The following TSPAN18 variants were observed in gnomAD, a reference collection of about 807,000 sequenced individuals.
TSPAN18 encodes tetraspanin-18.
In TSPAN18, 14 loss-of-function variants were observed where a neutral mutation model predicts 27.3. The observed-to-expected ratio is 0.51, with a 90% CI of 0.34 to 0.80. The LOEUF (loss-of-function observed/expected upper bound fraction) is 0.80. Among genes scored for constraint, TSPAN18 ranks in the 30% least tolerant of loss-of-function variants. The pLI is 0.01. For missense variants in TSPAN18, 268 were observed against 323.9 expected (o/e 0.83, Z 1.32); for synonymous variants, 143 against 136.5 (o/e 1.05, Z -0.33).
At chr11:44,846,792 T>G (rs1288452375) in intron 2 of TSPAN18, among the ~76,000 whole-genome samples, 2 of 152,232 alleles carry the variant, frequency 1.3e-5, no homozygotes, top group Non-Finnish European at 2.9e-5. Flanking sequence ...CTCCACCTTC[T>G]ACTTTGCAGC....
At chr11:44,762,744 G>T (rs1320476593) in intron 1 of TSPAN18, among the ~76,000 whole-genome samples, 1 of 152,044 alleles carries the variant, frequency 6.6e-6, no homozygotes, top group African/African-American at 2.4e-5. Flanking sequence ...TGCCTGGATG[G>T]ACATTTGAGG....
intron 2 of TSPAN18, among the ~76,000 whole-genome samples, chr11:44,779,891 G>T (rs978014391): frequency 6.6e-6 from 1 of 151,650 alleles, no homozygotes; most frequent in African/African-American, 2.4e-5. Flanking sequence ...GTATACTTAT[G>T]CACTCATCTG....
intron 4 of TSPAN18, among the ~76,000 whole-genome samples, chr11:44,908,904 G>A (rs1319057103): frequency 6.6e-6 from 1 of 152,092 alleles, no homozygotes. Flanking sequence ...GCTGCCTTAG[G>A]ATGAAGGTGT....
At chr11:44,882,241 T>C (rs963949526) in intron 3 of TSPAN18, among the ~76,000 whole-genome samples, 5 of 152,136 alleles carry the variant, frequency 3.3e-5, no homozygotes, top group African/African-American at 7.2e-5. Flanking sequence ...GGAAACCCTG[T>C]CCCTGCCCCT....
chr11:44,823,931 G>A (rs776118981), intron 2 of TSPAN18, among the ~76,000 whole-genome samples: 1 of 152,118 alleles, frequency 6.6e-6, no homozygotes, highest in Admixed American at 6.5e-5. Context: ...CACTCATACC[G>A]GAAAACCAGG....
At chr11:44,764,687 C>T (rs1015580645) in intron 2 of TSPAN18, among the ~76,000 whole-genome samples, 175 bp downstream of exon 2, 1 of 152,184 alleles carries the variant, frequency 6.6e-6, no homozygotes, top group Non-Finnish European at 1.5e-5. Flanking sequence ...TGTCCTCACC[C>T]CTAGACATTT....
intron 2 of TSPAN18, among the ~76,000 whole-genome samples, chr11:44,813,971 C>T (rs1374831437): frequency 6.6e-6 from 1 of 152,186 alleles, no homozygotes; most frequent in Non-Finnish European, 1.5e-5. Context: ...GGAGATAGAT[C>T]CTTCAGGGAT....
chr11:44,878,734 C>T (rs907687057), intron 3 of TSPAN18, among the ~76,000 whole-genome samples: 1 of 152,126 alleles, frequency 6.6e-6, no homozygotes, highest in Non-Finnish European at 1.5e-5. Context: ...GAGTAAAATG[C>T]AAAATAATTG....
At position 44,858,322 on chromosome 11, in the gene TSPAN18, C is replaced by T. The variant is rs150982004; in HGVS notation, c.-152-2006C>T. Among the ~76,000 whole-genome samples the T allele has an allele frequency of 5.9e-5, 9 of 152,318 alleles. No homozygotes were observed. In the East Asian group the frequency reaches 7.7e-4, roughly 13 times the overall value. On this transcript the variant is annotated intron_variant, in intron 2 of 9. Coordinates refer to ENST00000520358, the MANE Select transcript of TSPAN18 (RefSeq NM_130783.5). Reference sequence around the variant, plus strand: ...ACACACCCATATCTGCCCCCTCCTCCGGGAAGCCTTCACATGCTCACGGGT... The same window carrying T: ...ACACACCCATATCTGCCCCCTCCTCTGGGAAGCCTTCACATGCTCACGGGT...
chr11:44,807,674 G>A (rs1222794732), intron 2 of TSPAN18, among the ~76,000 whole-genome samples: 1 of 152,120 alleles, frequency 6.6e-6, no homozygotes, highest in Non-Finnish European at 1.5e-5. Context: ...GGAATCACTG[G>A]TTGAGTGGAT....
intron 3 of TSPAN18, chr11:44,903,443 T>G: frequency 2.2e-6 from 1 of 456,496 alleles, no homozygotes; most frequent in Non-Finnish European, 4.4e-6. Context: ...GGAGGTCCTG[T>G]GGTCTGTAGG....
intron 3 of TSPAN18, among the ~76,000 whole-genome samples, chr11:44,862,297 A>G (rs1209107338): frequency 6.6e-6 from 1 of 152,176 alleles, no homozygotes; most frequent in Non-Finnish European, 1.5e-5. Context: ...ATTTGAGCAA[A>G]TATTCCTCTG....
At chr11:44,748,413 AAAAG>A (rs1855132990) in intron 1 of TSPAN18, among the ~76,000 whole-genome samples, 1 of 152,014 alleles carries the variant, frequency 6.6e-6, no homozygotes. Context: ...AAAAAAAAAA[AAAAG>A]AGACCATCAC....
chr11:44,800,838 G>T (rs1856464454), intron 2 of TSPAN18, among the ~76,000 whole-genome samples: 1 of 152,160 alleles, frequency 6.6e-6, no homozygotes, highest in South Asian at 2.1e-4. Context: ...TTCCACAGAG[G>T]CACAGTGTCT....
At chr11:44,921,254 G>A (rs748481776) in intron 8 of TSPAN18, among the ~76,000 whole-genome samples, 86 of 152,332 alleles carry the variant, frequency 5.6e-4, no homozygotes, top group African/African-American at 1.9e-3. Context: ...GCTGCAGGGC[G>A]GGGAGGGGAG....
chr11:44,870,553 A>G (rs1441778906), intron 3 of TSPAN18, among the ~76,000 whole-genome samples: 1 of 152,154 alleles, frequency 6.6e-6, no homozygotes, highest in Non-Finnish European at 1.5e-5. Flanking sequence ...GAATACACCT[A>G]GTCAGCAGCT....
intron 4 of TSPAN18, among the ~76,000 whole-genome samples, chr11:44,908,747 A>G (rs1173786949): frequency 1.1e-5 from 1 of 93,074 alleles, no homozygotes; most frequent in Non-Finnish European, 2.1e-5. Flanking sequence ...AGAAAGAAAG[A>G]GAGAGAGAGA....
chr11:44,927,644 A>G (rs1280116360), intron 9 of TSPAN18, among the ~76,000 whole-genome samples: 1 of 152,166 alleles, frequency 6.6e-6, no homozygotes, highest in Non-Finnish European at 1.5e-5. Flanking sequence ...ACTGAGCCCT[A>G]TTCTTCGCCA....
chr11:44,918,998 C>T (rs956834899), intron 6 of TSPAN18, among the ~76,000 whole-genome samples: 2 of 152,088 alleles, frequency 1.3e-5, no homozygotes, highest in Non-Finnish European at 2.9e-5. Context: ...TCGGCTCCAC[C>T]GAGATGTGCA....
Sources: allele counts gnomAD v4.1 joint callset (sites outside exome capture counted in the v4.1 genomes callset), GRCh38; gene constraint gnomAD v4.1.1; transcripts MANE v1.5; gene names NCBI Gene and HGNC (gene_info 2026-07-23, HGNC 2026-07-21).